Variants in ABI2 observed in about 807,000 individuals in gnomAD.
ABI2 encodes abl interactor 2.
Under a neutral mutation model 59.2 loss-of-function variants are expected in ABI2, and 25 were observed. The observed-to-expected ratio is 0.42, with a 90% CI of 0.31 to 0.59. The LOEUF (loss-of-function observed/expected upper bound fraction) is 0.59, where lower values mean the gene tolerates loss of function less well. Among genes scored for constraint, ABI2 ranks in the 20% least tolerant of loss-of-function variants. The probability of loss-of-function intolerance (pLI) is 0.14; values close to 1 mark genes in which losing one functional copy is unlikely to be tolerated. For missense variants in ABI2, 545 were observed against 681.8 expected (o/e 0.80, Z 2.23); for synonymous variants, 213 against 235.5 (o/e 0.90, Z 0.87).
chr2:203,376,831 C>T (rs1047372297), intron 2 of ABI2, among the ~76,000 whole-genome samples: 2 of 150,196 alleles, frequency 1.3e-5, no homozygotes, highest in Non-Finnish European at 3.0e-5. Flanking sequence ...ATGTAAATGT[C>T]CCCAATCCCT....
At chr2:203,364,189 G>A (rs992752160) in intron 1 of ABI2, among the ~76,000 whole-genome samples, 1 of 151,346 alleles carries the variant, frequency 6.6e-6, no homozygotes, top group African/African-American at 2.4e-5. Context: ...CGCCTCCTGG[G>A]TTCAAGTGAT....
intron 11 of ABI2, among the ~76,000 whole-genome samples, chr2:203,419,123 T>TTTTG (rs1027082435): frequency 2.6e-5 from 4 of 151,106 alleles, no homozygotes; most frequent in African/African-American, 9.7e-5. Flanking sequence ...TTTTTTTTTT[T>TTTTG]TTTGAGACGG....
chr2:203,412,628 A>G (rs1287209294), intron 10 of ABI2, among the ~76,000 whole-genome samples: 3 of 152,096 alleles, frequency 2.0e-5, no homozygotes, highest in African/African-American at 7.2e-5. Context: ...TTGATTTCAT[A>G]TGTTTTAAAT....
chr2:203,347,959 G>T (rs2084801836), intron 1 of ABI2, among the ~76,000 whole-genome samples: 1 of 152,164 alleles, frequency 6.6e-6, no homozygotes, highest in Non-Finnish European at 1.5e-5. Context: ...AATGATTTGG[G>T]CTGGGCGCAG....
At chr2:203,350,891 T>TGTGTGC (rs1217974142) in intron 1 of ABI2, among the ~76,000 whole-genome samples, 51 of 124,234 alleles carry the variant, frequency 4.1e-4, no homozygotes, top group African/African-American at 1.6e-3. Context: ...TGTGTGTGTG[T>TGTGTGC]GCGCGCGCGC....
chr2:203,373,000 C>T (rs1446880008), intron 2 of ABI2, among the ~76,000 whole-genome samples: 1 of 152,054 alleles, frequency 6.6e-6, no homozygotes, highest in Non-Finnish European at 1.5e-5. Context: ...GGCAGAGGGG[C>T]TCCTCACGTC....
At chr2:203,387,575 C>T (rs2096579925) in intron 4 of ABI2, among the ~76,000 whole-genome samples, 1 of 152,100 alleles carries the variant, frequency 6.6e-6, no homozygotes, top group South Asian at 2.1e-4. Context: ...AAAGTGGGGA[C>T]TTTTCCAACT....
At chr2:203,359,711 G>A (rs1230540493) in intron 1 of ABI2, among the ~76,000 whole-genome samples, 1 of 151,952 alleles carries the variant, frequency 6.6e-6, no homozygotes, top group African/African-American at 2.4e-5. Context: ...TTGGCAGAAG[G>A]GACAAACAAG....
intron 2 of ABI2, among the ~76,000 whole-genome samples, chr2:203,375,337 A>AT (rs2095609449): frequency 6.6e-6 from 1 of 152,206 alleles, no homozygotes; most frequent in Non-Finnish European, 1.5e-5. Flanking sequence ...AGCAGAACAC[A>AT]TTTTTTACTT....
intron 10 of ABI2, among the ~76,000 whole-genome samples, chr2:203,413,511 T>G (rs2097763063): frequency 6.6e-6 from 1 of 152,256 alleles, no homozygotes; most frequent in African/African-American, 2.4e-5. Context: ...ATTCCCTAAT[T>G]TGACCACCCT....
At chr2:203,335,111 A>T (rs1214981564) in intron 1 of ABI2, among the ~76,000 whole-genome samples, 2 of 152,128 alleles carry the variant, frequency 1.3e-5, no homozygotes, top group Admixed American at 1.3e-4. Flanking sequence ...TAGAAGATGG[A>T]GTCATTTCTT....
At chr2:203,339,795 GA>G (rs2078809606) in intron 1 of ABI2, among the ~76,000 whole-genome samples, 1 of 152,126 alleles carries the variant, frequency 6.6e-6, no homozygotes, top group Admixed American at 6.6e-5. Flanking sequence ...AATGGATGAA[GA>G]AAATGTGTAC....
chr2:203,349,401 T>G (rs2152712390), intron 1 of ABI2, among the ~76,000 whole-genome samples: 1 of 152,240 alleles, frequency 6.6e-6, no homozygotes, highest in East Asian at 1.9e-4. Context: ...TGTTTTCCAG[T>G]GATATCCTTT....
intron 1 of ABI2, among the ~76,000 whole-genome samples, chr2:203,355,990 TTTG>T (rs2091794461): frequency 6.6e-6 from 1 of 152,072 alleles, no homozygotes; most frequent in Admixed American, 6.6e-5. Context: ...TCTCCTAGCT[TTTG>T]TTGTTGCCTT....
intron 1 of ABI2, chr2:203,351,523 C>G: frequency 2.5e-6 from 1 of 407,068 alleles, no homozygotes; most frequent in South Asian, 1.8e-5. Context: ...TTGTAGTTTT[C>G]AGTGTTTAGT....
In ABI2 at chr2:203,429,494, T is replaced by TA. The variant is rs1435913544; in HGVS notation, c.*2143dup. On this transcript the variant is annotated 3_prime_UTR_variant, in exon 12 of 12. Transcript: ENST00000261018. ...TTCCCACAGGCTGGGTGTGGTGGCT[T>TA]ATGCCTGTAATCCCAGCACTTTCGG... 2.0e-5 allele frequency: 3 copies of TA among 152,060 alleles called. No homozygotes were observed. Among genetic ancestry groups the TA allele is most frequent in the Non-Finnish European group, 4.4e-5 (3 of 68,002 alleles). 9.4% of individuals were successfully genotyped at this position (152,060 alleles called of 1,614,324 possible).
At chr2:203,416,293 AT>A (rs554386836) in intron 10 of ABI2, among the ~76,000 whole-genome samples, 21 of 147,086 alleles carry the variant, frequency 1.4e-4, no homozygotes, top group South Asian at 2.2e-4. Flanking sequence ...TTTATTGTTT[AT>A]TTTTTTTTTG....
intron 1 of ABI2, among the ~76,000 whole-genome samples, chr2:203,330,726 C>T (rs754509388): frequency 2.6e-5 from 4 of 152,066 alleles, no homozygotes; most frequent in African/African-American, 7.2e-5. Flanking sequence ...AAGTGGATTG[C>T]AATTATTACC....
chr2:203,362,940 C>T (rs992852017), intron 1 of ABI2, among the ~76,000 whole-genome samples: 4 of 152,172 alleles, frequency 2.6e-5, no homozygotes, highest in Non-Finnish European at 5.9e-5. Context: ...AAGTGATTCT[C>T]CTGCCTCAGC....
Sources: gnomAD v4.1 joint callset for allele counts (sites outside exome capture counted in the v4.1 genomes callset) on GRCh38, gnomAD v4.1.1 for gene constraint, MANE v1.5 for transcripts, NCBI Gene and HGNC (gene_info 2026-07-23, HGNC 2026-07-21) for gene names.